ZBTB20: variants seen among roughly 807,000 people sequenced by gnomAD.
ZBTB20 encodes the protein zinc finger and BTB domain containing 20, also known as zinc finger and BTB domain-containing protein 20.
ZBTB20 carries 9 observed loss-of-function variants against 56.9 expected under a neutral mutation model. That is an observed-to-expected ratio of 0.16 (90% CI 0.10 to 0.28). The LOEUF (loss-of-function observed/expected upper bound fraction) is 0.28. Among genes scored for constraint, ZBTB20 ranks in the 10% least tolerant of loss-of-function variants. The probability of loss-of-function intolerance (pLI) is 1.00; values close to 1 mark genes in which losing one functional copy is unlikely to be tolerated. For missense variants in ZBTB20, 655 were observed against 1,003.0 expected, an observed-to-expected ratio of 0.65 and a Z score of 4.69; for synonymous variants, 417 against 420.7, an observed-to-expected ratio of 0.99 and a Z score of 0.11.
At chr3:114,858,076 G>T (rs1349684299) in intron 4 of ZBTB20, among the ~76,000 whole-genome samples, 4 of 152,284 alleles carry the variant, frequency 2.6e-5, no homozygotes, top group South Asian at 2.1e-4. Flanking sequence ...GAAAGGCCAT[G>T]TTGAATTAGT....
chr3:114,590,365 C>T lies in ZBTB20; in HGVS notation c.-294-89974G>A, dbSNP rs549657253. Among the ~76,000 whole-genome samples, 19 of 152,070 alleles carry T rather than the reference C, an allele frequency of 1.2e-4. No homozygotes were observed. In the East Asian group the frequency reaches 1.9e-3, roughly 15 times the overall value. ...CAGCAGGAGGCTGAGGCAAGTGAAT[C>T]GCTTGAACTTGGGAGGCGGAGGTTG... On this transcript the variant is annotated intron_variant, in intron 6 of 11. Coordinates refer to ENST00000675478, the MANE Select transcript of ZBTB20 (RefSeq NM_001348800.3).
In ZBTB20 at chr3:114,895,047, C is replaced by G. The variant is rs189839150; in HGVS notation, c.-417+5257G>C. Among the ~76,000 whole-genome samples, 23 of 151,948 alleles carry G rather than the reference C, an allele frequency of 1.5e-4. No individual in the cohort carries two copies. In the East Asian group the frequency reaches 4.3e-3, roughly 28 times the overall value. On this transcript the variant is annotated intron_variant, in intron 4 of 11. Coordinates refer to ENST00000675478, the MANE Select transcript of ZBTB20 (RefSeq NM_001348800.3). ...GAAGATACTGCTGCAATATAAACAGCCTGGCAGAGGAAAATGGTTTACTAT... is the reference window on the plus strand; with the variant it reads ...GAAGATACTGCTGCAATATAAACAGGCTGGCAGAGGAAAATGGTTTACTAT...
chr3:114,411,892 A>G (rs934199103), intron 7 of ZBTB20, among the ~76,000 whole-genome samples: 4 of 152,202 alleles, frequency 2.6e-5, no homozygotes, highest in Admixed American at 6.5e-5. Flanking sequence ...GAATGTCCAG[A>G]TGCAAGGTTG....
Position 115,072,310 on chromosome 3 carries a change from T to C in ZBTB20, c.-702-896A>G, listed in dbSNP as rs574485546. ...TGGGCTTTTCTGTAACTGATGTAGA[T>C]ACAATGAATAATAAATATGCTTGTT... On this transcript the variant is annotated intron_variant, in intron 1 of 11. Coordinates refer to ENST00000675478, the MANE Select transcript of ZBTB20 (RefSeq NM_001348800.3). Among the ~76,000 whole-genome samples, 468 of 152,244 alleles carry C rather than the reference T, an allele frequency of 3.1e-3. 1 individual carries two copies. The highest frequency in any genetic ancestry group is 0.011 in the African/African-American group (445 of 41,548).
At position 114,463,244 on chromosome 3, in the gene ZBTB20, A is replaced by C. The variant is rs561726180; in HGVS notation, c.-255+37108T>G. On this transcript the variant is annotated intron_variant, in intron 7 of 11. Transcript: ENST00000675478. ...GAATCTCATTCGGTTGGTGTTACTG[A>C]TGTTGTTATTATTTACTCTTTAGCA... Among the ~76,000 whole-genome samples the C allele has an allele frequency of 2.6e-5, 4 of 152,338 alleles. No individual in the cohort carries two copies. In the South Asian group the frequency reaches 8.3e-4, roughly 32 times the overall value.
At chr3:114,718,910 T>A (rs28402241) in intron 5 of ZBTB20, among the ~76,000 whole-genome samples, 6 of 152,008 alleles carry the variant, frequency 3.9e-5, no homozygotes, top group Admixed American at 6.6e-5. Context: ...TATACACATA[T>A]GTATTTATTA....
intron 6 of ZBTB20, among the ~76,000 whole-genome samples, chr3:114,661,529 T>A (rs1230522761): frequency 1.3e-5 from 2 of 152,196 alleles, no homozygotes; most frequent in African/African-American, 4.8e-5. Context: ...AGTTTACTTT[T>A]CGAACATGTC....
At chr3:115,046,323 C>T (rs1170057750) in intron 2 of ZBTB20, among the ~76,000 whole-genome samples, 3 of 151,100 alleles carry the variant, frequency 2.0e-5, no homozygotes, top group Non-Finnish European at 4.4e-5. Context: ...AGCACTCAGT[C>T]CTATAAAGTT....
rs1380404189 is a variant in ZBTB20, at chr3:114,330,350, G to T, written c.*8655C>A. 1 of 152,038 alleles carries T rather than the reference G, an allele frequency of 6.6e-6. No individual in the cohort carries two copies. Among genetic ancestry groups the T allele is most frequent in the Non-Finnish European group, 1.5e-5 (1 of 68,000 alleles). The allele number at this position is 152,038 out of a possible 1,614,324, so 9.4% of individuals were successfully genotyped here. A position where few individuals can be genotyped will look rare whatever the true frequency, so the allele number is the denominator to read the frequency against. On this transcript the variant is annotated 3_prime_UTR_variant, in exon 12 of 12. Transcript: ENST00000675478. ...TATTTCAATCAACTCATGATCATAG[G>T]CAGATTCAAAAGTTAAAATGAATAT...
intron 1 of ZBTB20, among the ~76,000 whole-genome samples, chr3:115,134,763 TG>T (rs1404095388): frequency 6.6e-6 from 1 of 152,232 alleles, no homozygotes; most frequent in African/African-American, 2.4e-5. Flanking sequence ...TCACTTGCTA[TG>T]GGTCTCCTTA....
At chr3:115,051,247 C>T (rs914068198) in intron 2 of ZBTB20, among the ~76,000 whole-genome samples, 11 of 151,882 alleles carry the variant, frequency 7.2e-5, no homozygotes, top group African/African-American at 2.7e-4. Context: ...GACACAATTC[C>T]GTTTTCATAT....
intron 6 of ZBTB20, among the ~76,000 whole-genome samples, chr3:114,609,253 A>C (rs1401414289): frequency 1.3e-5 from 2 of 152,226 alleles, no homozygotes; most frequent in African/African-American, 4.8e-5. Context: ...CTTCTTTTGC[A>C]ACAATTCCAC....
intron 2 of ZBTB20, among the ~76,000 whole-genome samples, chr3:115,019,433 G>A (rs2080114695): frequency 6.6e-6 from 1 of 151,266 alleles, no homozygotes; most frequent in African/African-American, 2.4e-5. Flanking sequence ...GAAGAATTTA[G>A]TGCATGTCCT....
At chr3:115,075,626 T>G (rs1273778556) in intron 1 of ZBTB20, among the ~76,000 whole-genome samples, 1 of 152,086 alleles carries the variant, frequency 6.6e-6, no homozygotes, top group East Asian at 1.9e-4. Flanking sequence ...CCAACAGAAG[T>G]AAAGTACATC....
At chr3:115,109,957 C>T (rs1240334535) in intron 1 of ZBTB20, among the ~76,000 whole-genome samples, 1 of 152,178 alleles carries the variant, frequency 6.6e-6, no homozygotes, top group Admixed American at 6.5e-5. Flanking sequence ...CGCCTGTAAT[C>T]CCAGCACTTT....
intron 4 of ZBTB20, among the ~76,000 whole-genome samples, chr3:114,888,268 T>A (rs1324110127): frequency 2.0e-5 from 3 of 151,684 alleles, no homozygotes; most frequent in African/African-American, 4.8e-5. Context: ...AAAAAAAATT[T>A]AAACATCTGC....
intron 6 of ZBTB20, among the ~76,000 whole-genome samples, chr3:114,615,242 T>C (rs1011843771): frequency 6.6e-6 from 1 of 152,230 alleles, no homozygotes; most frequent in African/African-American, 2.4e-5. Flanking sequence ...TTTATATAAA[T>C]GTATTTTCCT....
intron 6 of ZBTB20, among the ~76,000 whole-genome samples, chr3:114,510,497 C>CTTT (rs561052542): frequency 6.9e-6 from 1 of 145,958 alleles, no homozygotes. Flanking sequence ...CCACACTGAG[C>CTTT]TTTTTTTTTT....
intron 7 of ZBTB20, among the ~76,000 whole-genome samples, chr3:114,398,362 A>G (rs1003417638): frequency 7.2e-5 from 11 of 152,164 alleles, no homozygotes; most frequent in African/African-American, 2.4e-4. Context: ...ATAAACAGAA[A>G]TGGATGGCAT....
Sources: gnomAD v4.1 joint callset for allele counts (sites outside exome capture counted in the v4.1 genomes callset) on GRCh38, gnomAD v4.1.1 for gene constraint, MANE v1.5 for transcripts, NCBI Gene and HGNC (gene_info 2026-07-23, HGNC 2026-07-21) for gene names.